Variants in DPP10 observed in about 807,000 individuals in gnomAD.
DPP10 encodes dipeptidyl peptidase like 10, also known as inactive dipeptidyl peptidase 10.
Under a neutral mutation model 120.9 loss-of-function variants are expected in DPP10, and 33 were observed. That is an observed-to-expected ratio of 0.27 (90% CI 0.21 to 0.37). DPP10 has a LOEUF of 0.37. DPP10 is among the 10% of genes least tolerant of loss of function. The pLI is 1.00. For missense variants in DPP10, 816 were observed against 942.8 expected (o/e 0.87, Z 1.76); for synonymous variants, 337 against 326.1 (o/e 1.03, Z -0.36).
chr2:115,806,465 A>C (rs760079652), intron 19 of DPP10, among the ~76,000 whole-genome samples: 1 of 152,204 alleles, frequency 6.6e-6, no homozygotes, highest in East Asian at 1.9e-4. Context: ...AAAATTCCCT[A>C]TGTTTATATA....
At chr2:114,913,451 T>C (rs1694535348) in intron 1 of DPP10, among the ~76,000 whole-genome samples, 1 of 152,122 alleles carries the variant, frequency 6.6e-6, no homozygotes, top group Non-Finnish European at 1.5e-5. Context: ...CTGGTCCCAG[T>C]CCTTCAGGGT....
At chr2:115,529,718 C>G (rs2078349553) in intron 5 of DPP10, among the ~76,000 whole-genome samples, 1 of 152,030 alleles carries the variant, frequency 6.6e-6, no homozygotes. Flanking sequence ...GTATTCTTGT[C>G]CAAGTCAGTT....
chr2:115,071,462 C>T (rs1559058965), intron 1 of DPP10, among the ~76,000 whole-genome samples: 1 of 152,070 alleles, frequency 6.6e-6, no homozygotes, highest in Non-Finnish European at 1.5e-5. Flanking sequence ...CAAATCTATC[C>T]CTCTCACCCA....
chr2:115,350,559 T>C (rs1342873620), intron 3 of DPP10, among the ~76,000 whole-genome samples: 1 of 152,144 alleles, frequency 6.6e-6, no homozygotes, highest in East Asian at 1.9e-4. Flanking sequence ...ATTAATTTTG[T>C]TATTCTGCCT....
intron 2 of DPP10, among the ~76,000 whole-genome samples, chr2:115,341,415 C>T (rs968908062): frequency 2.0e-5 from 3 of 152,146 alleles, no homozygotes; most frequent in African/African-American, 4.8e-5. Flanking sequence ...ACATCCCGCA[C>T]CAGAGTGGCA....
intron 1 of DPP10, among the ~76,000 whole-genome samples, chr2:115,212,979 A>T (rs997823764): frequency 2.0e-5 from 3 of 152,154 alleles, no homozygotes; most frequent in African/African-American, 2.4e-5. Context: ...CACAAAATGG[A>T]GATCCACTCC....
chr2:114,608,436 C>T (rs1198665523), intron 1 of DPP10, among the ~76,000 whole-genome samples: 1 of 152,092 alleles, frequency 6.6e-6, no homozygotes, highest in Admixed American at 6.6e-5. Flanking sequence ...AAATAATTTG[C>T]AGCTCGAGAA....
At chr2:115,381,252 C>A (rs10190922) in intron 3 of DPP10, among the ~76,000 whole-genome samples, 4 of 152,014 alleles carry the variant, frequency 2.6e-5, no homozygotes, top group Admixed American at 2.0e-4. Context: ...TTGCTCGTAT[C>A]TTTTTATTCT....
chr2:114,483,815 A>G (rs891425677), intron 1 of DPP10, among the ~76,000 whole-genome samples: 16 of 152,124 alleles, frequency 1.1e-4, no homozygotes, highest in African/African-American at 3.4e-4. Flanking sequence ...AAAAATCTTG[A>G]TTTCTACTTC....
In DPP10 at chr2:114,981,051, G is replaced by A. The variant is rs544858991; in HGVS notation, c.61-328188G>A. ...CTGCAGTGAGTGTATGGAGACAGGT[G>A]TTATCATATACTATTGATAGGAGAG... is the stretch of plus-strand genomic sequence containing the variant. On this transcript the variant is annotated intron_variant, in intron 1 of 25. Transcript: ENST00000410059. Among the ~76,000 whole-genome samples, 229 of 151,076 alleles carry A rather than the reference G, an allele frequency of 1.5e-3. 3 individuals are homozygous for A. Among genetic ancestry groups the A allele is most frequent in the African/African-American group, 5.2e-3 (213 of 41,128 alleles).
intron 1 of DPP10, among the ~76,000 whole-genome samples, chr2:114,797,966 T>C (rs1574213042): frequency 6.6e-6 from 1 of 152,354 alleles, no homozygotes; most frequent in East Asian, 1.9e-4. Context: ...GTGGATATCA[T>C]GGGCTCCTTG....
At chr2:115,508,853 A>T (rs2077083670) in intron 4 of DPP10, among the ~76,000 whole-genome samples, 1 of 152,204 alleles carries the variant, frequency 6.6e-6, no homozygotes, top group African/African-American at 2.4e-5. Flanking sequence ...CAGTGAGCTG[A>T]GATAGCGCCA....
chr2:115,004,403 C>G (rs1028066557), intron 1 of DPP10, among the ~76,000 whole-genome samples: 2 of 152,132 alleles, frequency 1.3e-5, no homozygotes, highest in Non-Finnish European at 2.9e-5. Flanking sequence ...GTCTACAGCT[C>G]CCAGCCTGAG....
intron 5 of DPP10, among the ~76,000 whole-genome samples, chr2:115,683,069 T>C (rs530789610): frequency 2.5e-4 from 38 of 152,024 alleles, no homozygotes; most frequent in African/African-American, 8.4e-4. Flanking sequence ...AATTAGCAAG[T>C]TTATTTTTAT....
chr2:114,712,820 T>C (rs1701110328), intron 1 of DPP10, among the ~76,000 whole-genome samples: 1 of 152,174 alleles, frequency 6.6e-6, no homozygotes, highest in Non-Finnish European at 1.5e-5. Context: ...AATGGTTTCC[T>C]ACTACATTAT....
chr2:114,695,600 A>T (rs1394260363), intron 1 of DPP10, among the ~76,000 whole-genome samples: 1 of 152,106 alleles, frequency 6.6e-6, no homozygotes, highest in Admixed American at 6.6e-5. Context: ...CAACACAGTG[A>T]CTTGGAACAT....
At chr2:115,024,162 T>G (rs57505204) in intron 1 of DPP10, among the ~76,000 whole-genome samples, 1 of 151,784 alleles carries the variant, frequency 6.6e-6, no homozygotes, top group Non-Finnish European at 1.5e-5. Context: ...ATTAAAAAAA[T>G]TTTTTTTAGA....
At chr2:114,457,117 T>A (rs549777840) in intron 1 of DPP10, among the ~76,000 whole-genome samples, 1 of 152,260 alleles carries the variant, frequency 6.6e-6, no homozygotes, top group Admixed American at 6.5e-5. Context: ...AAAAACTGAG[T>A]TCATTCTTAA....
At chr2:115,321,669 A>G (rs1335461815) in intron 2 of DPP10, among the ~76,000 whole-genome samples, 1 of 151,248 alleles carries the variant, frequency 6.6e-6, no homozygotes, top group Non-Finnish European at 1.5e-5. Flanking sequence ...TTATGTTGCT[A>G]TGTTTGATGA....
Sources: allele counts gnomAD v4.1 joint callset (sites outside exome capture counted in the v4.1 genomes callset), GRCh38; gene constraint gnomAD v4.1.1; transcripts MANE v1.5; gene names NCBI Gene and HGNC (gene_info 2026-07-23, HGNC 2026-07-21).